Variants in MEP1B observed in about 807,000 individuals in gnomAD.
The protein encoded by MEP1B is meprin A subunit beta.
A neutral mutation model predicts 84.6 loss-of-function variants in MEP1B; 80 were observed. That is an observed-to-expected ratio of 0.95 (90% CI 0.79 to 1.14). MEP1B has a LOEUF of 1.14. Ranked by LOEUF, MEP1B falls within the 50% of genes most tolerant of loss-of-function variation. MEP1B has a pLI of 0.00. For missense variants in MEP1B, 766 were observed against 855.1 expected (o/e 0.90, Z 1.30); for synonymous variants, 273 against 288.1 (o/e 0.95, Z 0.53).
chr18:32,206,602 A>T (rs1035921233), intron 7 of MEP1B, among the ~76,000 whole-genome samples: 1 of 151,166 alleles, frequency 6.6e-6, no homozygotes, highest in Admixed American at 6.6e-5. Context: ...GCTAATTTTT[A>T]AAATATTTAT....
Position 32,220,378 on chromosome 18 carries a change from T to C in MEP1B, c.*133T>C. ...TTTCTGTAAATAGCTGGAAATATTATAAATCACTATTTTGGTCAAAGTCAA... is the reference window on the plus strand; with the variant it reads ...TTTCTGTAAATAGCTGGAAATATTACAAATCACTATTTTGGTCAAAGTCAA... On this transcript the variant is annotated 3_prime_UTR_variant, in exon 15 of 15. Transcript: ENST00000269202. 1 of 850,900 alleles carries C rather than the reference T, an allele frequency of 1.2e-6. No homozygotes were observed. Among genetic ancestry groups the C allele is most frequent in the Non-Finnish European group, 1.8e-6 (1 of 544,340 alleles). The allele number at this position is 850,900 out of a possible 1,614,324, so 52.7% of individuals were successfully genotyped here.
rs748368787 is a variant in MEP1B, at chr18:32,204,281, C to A, written c.468C>A (p.His156Gln). The A allele has an allele frequency of 1.9e-6, 3 of 1,603,696 alleles. No individual in the cohort carries two copies. The highest frequency in any genetic ancestry group is 2.3e-5 in the South Asian group (2 of 88,572). ...CAACAGTTCAACACGAGTTCCTCCACGCTCTGGGATTCTGGCATGAGCAGT... is the reference window on the plus strand; with the variant it reads ...CAACAGTTCAACACGAGTTCCTCCAAGCTCTGGGATTCTGGCATGAGCAGT... ...RIATVQHEFL[H>Q]ALGFWHEQSR... Residue 156 changes from histidine (H) to glutamine (Q), a missense_variant, in exon 7 of 15, where the codon CAC (histidine) becomes CAA (glutamine). By Grantham distance (24) the His-to-Gln change is conservative (BLOSUM62 0). Coordinates refer to ENST00000269202, the MANE Select transcript of MEP1B (RefSeq NM_005925.3).
At chr18:32,210,765 A>G (rs1200265677) in intron 10 of MEP1B, 49 bp downstream of exon 10, 1 of 1,515,096 alleles carries the variant, frequency 6.6e-7, no homozygotes, top group Non-Finnish European at 9.1e-7. Context: ...AGGCAATCTT[A>G]GGTCTTTTCT....
chr18:32,215,446 C>T (rs955036676), intron 12 of MEP1B, among the ~76,000 whole-genome samples, 185 bp downstream of exon 12: 1 of 152,030 alleles, frequency 6.6e-6, no homozygotes, highest in Non-Finnish European at 1.5e-5. Context: ...TAATTTGAAA[C>T]AGTGAGGATT....
At chr18:32,209,907 T>C (rs2041007177) in intron 9 of MEP1B, among the ~76,000 whole-genome samples, 2 of 152,132 alleles carry the variant, frequency 1.3e-5, no homozygotes, top group Non-Finnish European at 2.9e-5. Flanking sequence ...CAGAAAGACC[T>C]AGAAGTTCAC....
chr18:32,205,314 G>T (rs1434498583), intron 7 of MEP1B, among the ~76,000 whole-genome samples: 1 of 152,178 alleles, frequency 6.6e-6, no homozygotes, highest in Non-Finnish European at 1.5e-5. Context: ...TCTGACTAGA[G>T]CTCATGTTTT....
chr18:32,195,263 TACACACAC>T (rs3217505), intron 4 of MEP1B, 136 bp from the exon 5 acceptor site: 25 of 496,826 alleles, frequency 5.0e-5, no homozygotes, highest in Middle Eastern at 8.4e-4. Flanking sequence ...AAAGTAGGGC[TACACACAC>T]ACACACACAC....
chr18:32,206,407 A>G (rs1026738002), intron 7 of MEP1B, among the ~76,000 whole-genome samples: 6 of 149,652 alleles, frequency 4.0e-5, no homozygotes, highest in African/African-American at 1.5e-4. Context: ...TTGCTGGCCA[A>G]TGCCCTGACT....
At chr18:32,191,917 C>T in intron 2 of MEP1B, 77 bp downstream of exon 2, 1 of 852,808 alleles carries the variant, frequency 1.2e-6, no homozygotes, top group Non-Finnish European at 1.9e-6. Context: ...TACATAATTA[C>T]ATATGCATAA....
intron 10 of MEP1B, among the ~76,000 whole-genome samples, 172 bp from the exon 11 acceptor site, chr18:32,212,944 A>T (rs1431341648): frequency 6.6e-6 from 1 of 152,214 alleles, no homozygotes; most frequent in Non-Finnish European, 1.5e-5. Flanking sequence ...ACCCCACAGA[A>T]GCACCTTGAA....
intron 2 of MEP1B, 99 bp from the exon 3 acceptor site, chr18:32,192,547 C>T: frequency 9.1e-7 from 1 of 1,104,068 alleles, no homozygotes; most frequent in East Asian, 2.4e-5. Flanking sequence ...CACCTGAGGC[C>T]AAAAGAAACT....
At chr18:32,218,902 C>G (rs892357871) in intron 14 of MEP1B, among the ~76,000 whole-genome samples, 9 of 152,364 alleles carry the variant, frequency 5.9e-5, no homozygotes, top group African/African-American at 2.2e-4. Flanking sequence ...TCCCTAGCAT[C>G]CACTACATAC....
intron 14 of MEP1B, among the ~76,000 whole-genome samples, chr18:32,218,214 G>GT (rs1200029209): frequency 3.9e-5 from 6 of 152,092 alleles, no homozygotes; most frequent in African/African-American, 1.2e-4. Flanking sequence ...GTGTGTGTGG[G>GT]TTTTTTTCCT....
intron 5 of MEP1B, among the ~76,000 whole-genome samples, chr18:32,199,229 G>C (rs1395469991): frequency 6.6e-6 from 1 of 152,250 alleles, no homozygotes; most frequent in Admixed American, 6.5e-5. Flanking sequence ...GGATGTAAGA[G>C]ATGGTTGAAG....
intron 14 of MEP1B, among the ~76,000 whole-genome samples, chr18:32,219,193 C>T (rs916548178): frequency 3.9e-5 from 6 of 152,104 alleles, no homozygotes; most frequent in African/African-American, 9.7e-5. Flanking sequence ...TTTAAAGCTA[C>T]GAGTTTTTAA....
chr18:32,215,370 T>G, intron 12 of MEP1B, 109 bp downstream of exon 12: 1 of 602,044 alleles, frequency 1.7e-6, no homozygotes, highest in Non-Finnish European at 2.7e-6. Context: ...TATATAGAGA[T>G]GTGGGGGGAA....
At chr18:32,202,208 G>A (rs1432352165) in intron 5 of MEP1B, among the ~76,000 whole-genome samples, 4 of 152,156 alleles carry the variant, frequency 2.6e-5, no homozygotes, top group Non-Finnish European at 5.9e-5. Context: ...CTAGGACCTG[G>A]CCCATGTGAT....
chr18:32,194,314 T>C (rs1015668482), intron 4 of MEP1B, among the ~76,000 whole-genome samples: 65 of 152,188 alleles, frequency 4.3e-4, no homozygotes, highest in African/African-American at 1.5e-3. Context: ...TATAATCTTT[T>C]CCACCCTGTT....
At chr18:32,210,465 A>G (rs2041013372) in intron 9 of MEP1B, 36 bp from the exon 10 acceptor site, 1 of 1,557,216 alleles carries the variant, frequency 6.4e-7, no homozygotes, top group Non-Finnish European at 8.8e-7. Flanking sequence ...TATACCCAGT[A>G]TCTGTTTTTC....
Sources: gnomAD v4.1 joint callset for allele counts (sites outside exome capture counted in the v4.1 genomes callset) on GRCh38, gnomAD v4.1.1 for gene constraint, MANE v1.5 for transcripts, NCBI Gene and HGNC (gene_info 2026-07-23, HGNC 2026-07-21) for gene names.